Variants in LMO7 observed in about 807,000 individuals in gnomAD.
LMO7 encodes the protein LIM domain only protein 7.
A neutral mutation model predicts 206.5 loss-of-function variants in LMO7; 120 were observed. The ratio of observed to expected loss-of-function variants is 0.58; its 90% CI spans 0.50 to 0.68. The LOEUF is 0.68. LMO7 is among the 30% of genes least tolerant of loss of function. The probability of loss-of-function intolerance (pLI) is 0.00; values close to 1 mark genes in which losing one functional copy is unlikely to be tolerated. For missense variants in LMO7, 1,959 were observed against 1,957.9 expected, an observed-to-expected ratio of 1.00 and a Z score of -0.01; for synonymous variants, 706 against 681.5, an observed-to-expected ratio of 1.04 and a Z score of -0.56.
intron 11 of LMO7, among the ~76,000 whole-genome samples, chr13:75,813,108 C>T (rs971656449): frequency 3.9e-5 from 6 of 152,158 alleles, no homozygotes; most frequent in Non-Finnish European, 8.8e-5. Flanking sequence ...GACTGCTTGG[C>T]GAGGTTGCTG....
At chr13:75,723,463 G>A (rs886151433) in intron 2 of LMO7, among the ~76,000 whole-genome samples, 1 of 152,086 alleles carries the variant, frequency 6.6e-6, no homozygotes, top group Non-Finnish European at 1.5e-5. Context: ...AGCTCAAAAG[G>A]TGTCCATAAA....
chr13:75,736,262 A>G (rs1281576645), intron 3 of LMO7, among the ~76,000 whole-genome samples: 2 of 152,242 alleles, frequency 1.3e-5, no homozygotes, highest in African/African-American at 2.4e-5. Flanking sequence ...TCAATTGGCT[A>G]TAGGAGCATA....
intron 15 of LMO7, among the ~76,000 whole-genome samples, chr13:75,830,111 A>G (rs538477812): frequency 6.6e-6 from 1 of 152,278 alleles, no homozygotes; most frequent in East Asian, 1.9e-4. Context: ...TTTGTAGGAT[A>G]CTCACTTGGC....
chr13:75,670,260 G>T (rs2039444119), intron 1 of LMO7, among the ~76,000 whole-genome samples: 1 of 152,174 alleles, frequency 6.6e-6, no homozygotes, highest in Non-Finnish European at 1.5e-5. Context: ...ACATCCTCAT[G>T]TCCTTAAAGT....
Position 75,858,885 on chromosome 13 carries a change from G to A in LMO7, c.*942G>A, listed in dbSNP as rs1165631558. On this transcript the variant is annotated 3_prime_UTR_variant, in exon 31 of 31. Transcript: ENST00000377534. ...CGAAACTATGCCACAGTCTGGATGT[G>A]TTTACTGAAACATTTTAATAAGGAA... is the stretch of plus-strand genomic sequence containing the variant. 1 of 152,138 alleles carries A rather than the reference G, an allele frequency of 6.6e-6. No individual in the cohort carries two copies. The allele number at this position is 152,138 out of a possible 1,614,324, so 9.4% of individuals were successfully genotyped here. A position where few individuals can be genotyped will look rare whatever the true frequency, so the allele number is the denominator to read the frequency against.
intron 1 of LMO7, among the ~76,000 whole-genome samples, chr13:75,692,702 A>G (rs969564446): frequency 1.3e-5 from 2 of 152,148 alleles, no homozygotes; most frequent in African/African-American, 4.8e-5. Flanking sequence ...GGGATTGTCT[A>G]GTCAAGTTTT....
intron 3 of LMO7, among the ~76,000 whole-genome samples, chr13:75,739,638 T>C (rs1403688392): frequency 6.6e-6 from 1 of 152,240 alleles, no homozygotes; most frequent in Non-Finnish European, 1.5e-5. Context: ...TTTACTCTCC[T>C]ACACACTTCC....
intron 1 of LMO7, among the ~76,000 whole-genome samples, chr13:75,666,891 CGAG>C (rs1566290305): frequency 6.6e-6 from 1 of 152,056 alleles, no homozygotes; most frequent in African/African-American, 2.4e-5. Flanking sequence ...AGGAGAGAAA[CGAG>C]GGCTCAAGTT....
intron 1 of LMO7, among the ~76,000 whole-genome samples, chr13:75,675,606 C>G (rs1479602418): frequency 6.6e-6 from 1 of 152,182 alleles, no homozygotes; most frequent in Admixed American, 6.5e-5. Context: ...GCTGCTCTCT[C>G]TCCTGTGGTA....
chr13:75,828,025 C>T lies in LMO7; in HGVS notation c.2949+4152C>T, dbSNP rs117824221. Among the ~76,000 whole-genome samples the T allele has an allele frequency of 9.4e-3, 1,431 of 152,302 alleles. 13 individuals carry two copies. The highest frequency in any genetic ancestry group is 0.016 in the Non-Finnish European group (1,121 of 68,010). ...ACAATCCTACATTTCTCACTGTCAGCGCAGTGTCTGCATCTGTACATGTTC... is the reference window on the plus strand; with the variant it reads ...ACAATCCTACATTTCTCACTGTCAGTGCAGTGTCTGCATCTGTACATGTTC... On this transcript the variant is annotated intron_variant, in intron 15 of 30. Transcript: ENST00000377534.
intron 4 of LMO7, among the ~76,000 whole-genome samples, chr13:75,779,794 CATT>C (rs1301634722): frequency 6.6e-6 from 1 of 152,104 alleles, no homozygotes; most frequent in Non-Finnish European, 1.5e-5. Flanking sequence ...TAAAAACAGA[CATT>C]ATGATTTATG....
chr13:75,683,870 C>T (rs2040757964), intron 1 of LMO7, among the ~76,000 whole-genome samples: 1 of 152,024 alleles, frequency 6.6e-6, no homozygotes, highest in Non-Finnish European at 1.5e-5. Context: ...GAATTATTAT[C>T]AATAAAAAGG....
chr13:75,793,291 T>C (rs1050422215), intron 4 of LMO7, among the ~76,000 whole-genome samples: 7 of 152,316 alleles, frequency 4.6e-5, no homozygotes, highest in Admixed American at 3.3e-4. Flanking sequence ...TGTTTGTTTT[T>C]TGAGACGGAG....
intron 3 of LMO7, among the ~76,000 whole-genome samples, chr13:75,745,015 T>G (rs1239989085): frequency 6.6e-6 from 1 of 152,204 alleles, no homozygotes; most frequent in Non-Finnish European, 1.5e-5. Context: ...TTACCAATAG[T>G]TACACTGAAA....
chr13:75,667,192 A>G (rs771828464), intron 1 of LMO7, among the ~76,000 whole-genome samples: 1 of 152,088 alleles, frequency 6.6e-6, no homozygotes, highest in African/African-American at 2.4e-5. Flanking sequence ...TTGCTTTTCA[A>G]GATTTTCTGG....
chr13:75,838,010 A>T (rs1236087365), intron 19 of LMO7, 130 bp from the exon 20 acceptor site: 10 of 608,362 alleles, frequency 1.6e-5, no homozygotes, highest in Non-Finnish European at 2.6e-5. Flanking sequence ...TATATCTTCT[A>T]TGGCTATCAG....
At chr13:75,721,875 C>G (rs764575712) in intron 2 of LMO7, among the ~76,000 whole-genome samples, 1 of 152,090 alleles carries the variant, frequency 6.6e-6, no homozygotes, top group Non-Finnish European at 1.5e-5. Context: ...ACCAATAGAA[C>G]AGAATAAAGA....
chr13:75,748,993 G>T (rs949512170), intron 3 of LMO7, among the ~76,000 whole-genome samples: 1 of 151,926 alleles, frequency 6.6e-6, no homozygotes, highest in Non-Finnish European at 1.5e-5. Context: ...TTTTTGTAGA[G>T]ATGAGGTCTC....
At chr13:75,758,318 T>TTA (rs1458565566) in intron 3 of LMO7, among the ~76,000 whole-genome samples, 1 of 152,134 alleles carries the variant, frequency 6.6e-6, no homozygotes, top group Non-Finnish European at 1.5e-5. Context: ...TTTTATAATT[T>TTA]TATATATACC....
Sources: allele counts gnomAD v4.1 joint callset (sites outside exome capture counted in the v4.1 genomes callset), GRCh38; gene constraint gnomAD v4.1.1; transcripts MANE v1.5; gene names NCBI Gene and HGNC (gene_info 2026-07-23, HGNC 2026-07-21).